The following RFFL variants were observed in gnomAD, a reference collection of about 807,000 sequenced individuals.
The protein encoded by RFFL is ring finger and FYVE like domain containing E3 ubiquitin protein ligase.
RFFL carries 16 observed loss-of-function variants against 40.4 expected under a neutral mutation model. The observed-to-expected ratio is 0.40, with a 90% confidence interval of 0.27 to 0.60. The LOEUF (loss-of-function observed/expected upper bound fraction) is 0.60. Among genes scored for constraint, RFFL ranks in the 20% least tolerant of loss-of-function variants. The probability of loss-of-function intolerance (pLI) is 0.47; values close to 1 mark genes in which losing one functional copy is unlikely to be tolerated. For missense variants in RFFL, 367 were observed against 451.7 expected (o/e 0.81, Z 1.70); for synonymous variants, 154 against 167.9 (o/e 0.92, Z 0.64).
At chr17:35,067,785 G>A (rs779986754), upstream of RFFL, among the ~76,000 whole-genome samples, 9 of 152,084 alleles carry the variant, frequency 5.9e-5, no homozygotes, top group Non-Finnish European at 1.0e-4. Context: ...GATGGGCCTT[G>A]GATCATGTTT....
intron 5 of RFFL, 38 bp downstream of exon 5, chr17:35,016,332 C>A (rs772472412): frequency 6.3e-7 from 1 of 1,584,920 alleles, no homozygotes; most frequent in Non-Finnish European, 8.7e-7. Flanking sequence ...GCAAACACTC[C>A]TGAGCTCTGT....
At chr17:35,061,583 G>A (rs185847694) in intron 1 of RFFL, among the ~76,000 whole-genome samples, 156 of 151,968 alleles carry the variant, frequency 1.0e-3, no homozygotes, top group African/African-American at 3.5e-3. Flanking sequence ...TCAGCCTGCT[G>A]GGTAGCTGGT....
At chr17:35,084,699 G>A (rs1393972197) in intron 1 of RFFL, among the ~76,000 whole-genome samples, 2 of 151,306 alleles carry the variant, frequency 1.3e-5, no homozygotes, top group Admixed American at 1.3e-4. Context: ...AGATCAGCCT[G>A]GCCAATGTAG....
intron 1 of RFFL, among the ~76,000 whole-genome samples, chr17:35,045,687 A>G (rs928823510): frequency 6.6e-6 from 1 of 152,186 alleles, no homozygotes; most frequent in Non-Finnish European, 1.5e-5. Flanking sequence ...GATAACAGCA[A>G]TAGAGCGCTT....
intron 1 of RFFL, among the ~76,000 whole-genome samples, chr17:35,051,237 T>C (rs1044801815): frequency 2.0e-5 from 3 of 152,208 alleles, no homozygotes; most frequent in African/African-American, 4.8e-5. Context: ...AAGGACTAGT[T>C]ATGTTAGCTT....
chr17:35,043,429 T>A (rs777788504), intron 1 of RFFL, among the ~76,000 whole-genome samples: 1 of 152,210 alleles, frequency 6.6e-6, no homozygotes. Context: ...ATAGCCGTCA[T>A]TATAATAAGG....
chr17:35,062,113 G>A (rs2091294632), intron 1 of RFFL, among the ~76,000 whole-genome samples: 1 of 151,598 alleles, frequency 6.6e-6, no homozygotes, highest in Non-Finnish European at 1.5e-5. Flanking sequence ...AGCATAAAAA[G>A]AATGAACAAG....
chr17:35,051,182 G>T (rs1471400978), intron 1 of RFFL, among the ~76,000 whole-genome samples: 2 of 152,144 alleles, frequency 1.3e-5, no homozygotes, highest in Non-Finnish European at 2.9e-5. Context: ...AGAAAGAATG[G>T]TCCCTACAAG....
chr17:35,069,362 G>C (rs533189000), intron 1 of RFFL: 21 of 456,464 alleles, frequency 4.6e-5, no homozygotes, highest in African/African-American at 8.0e-5. Context: ...GTGATTTCTA[G>C]CCAAGTAGAT....
rs1231774461 is a variant in RFFL, at chr17:35,016,350, C to T, written c.886+20G>A. 1 of 1,605,100 alleles carries T rather than the reference C, an allele frequency of 6.2e-7. No individual in the cohort carries two copies. Reference sequence around the variant, plus strand: ...AACACTCCTGAGCTCTGTAAAGCTACCATGCAGATAGCCCCTCACCCAGGT... The same window carrying T: ...AACACTCCTGAGCTCTGTAAAGCTATCATGCAGATAGCCCCTCACCCAGGT... On this transcript the variant is annotated intron_variant, in intron 5 of 6. Coordinates refer to ENST00000394597, the MANE Select transcript of RFFL (RefSeq NM_001017368.2).
intron 3 of RFFL, among the ~76,000 whole-genome samples, chr17:35,019,786 C>A (rs145169120): frequency 6.6e-6 from 1 of 151,728 alleles, no homozygotes; most frequent in Non-Finnish European, 1.5e-5. Flanking sequence ...GAGTTTAAAT[C>A]TGTCTAGCAG....
rs988557663 is a variant in RFFL, at chr17:35,046,251, C to T, written c.-9+17325G>A. ...AGGAGAGCCTGGAAGAGGAACAAGA[C>T]GGTCACTTCCATCTCTTCCTAAAAA... is the stretch of plus-strand genomic sequence containing the variant. On this transcript the variant is annotated intron_variant, in intron 1 of 6. Coordinates refer to ENST00000394597, the MANE Select transcript of RFFL (RefSeq NM_001017368.2). 4.6e-5 allele frequency among the ~76,000 whole-genome samples: 7 copies of T among 152,150 alleles called. No individual in the cohort carries two copies. The South Asian group carries it at 6.2e-4, about 13-fold the overall frequency.
At chr17:35,045,937 T>C (rs1597828949) in intron 1 of RFFL, among the ~76,000 whole-genome samples, 1 of 149,128 alleles carries the variant, frequency 6.7e-6, no homozygotes, top group Non-Finnish European at 1.5e-5. Flanking sequence ...GAGGCAGGAG[T>C]ATCGCTTGAA....
At position 35,010,013 on chromosome 17, in the gene RFFL, T is replaced by TGG. The variant is rs2090926016; in HGVS notation, c.*1953_*1954dup. ...ATTCCCCCAACTCCTGCAAAGGCTG[T>TGG]GGTTCAGAATCAAATCATCCAGGAC... On this transcript the variant is annotated 3_prime_UTR_variant, in exon 7 of 7. Transcript: ENST00000394597. 1 of 152,668 alleles carries TGG rather than the reference T, an allele frequency of 6.6e-6. No individual in the cohort carries two copies. The highest frequency in any genetic ancestry group is 1.9e-4 in the East Asian group (1 of 5,198). The allele number at this position is 152,668 out of a possible 1,614,324, so 9.5% of individuals were successfully genotyped here. A position where few individuals can be genotyped will look rare whatever the true frequency, so the allele number is the denominator to read the frequency against.
At chr17:35,088,508 G>C (rs1383242930) in intron 1 of RFFL, among the ~76,000 whole-genome samples, 2 of 152,176 alleles carry the variant, frequency 1.3e-5, no homozygotes. Flanking sequence ...GCTGAAGAGA[G>C]GCCCCATTTC....
intron 1 of RFFL, among the ~76,000 whole-genome samples, chr17:35,063,288 T>C (rs964521406): frequency 2.0e-5 from 3 of 151,548 alleles, no homozygotes; most frequent in African/African-American, 7.3e-5. Flanking sequence ...AAACCCTGTC[T>C]CTACTAAAAA....
At chr17:35,055,639 C>A (rs1298253709) in intron 1 of RFFL, among the ~76,000 whole-genome samples, 2 of 150,500 alleles carry the variant, frequency 1.3e-5, no homozygotes, top group African/African-American at 4.9e-5. Flanking sequence ...CCATTGCACT[C>A]CAGCCTGGGC....
At chr17:35,033,340 C>T (rs867585287) in intron 1 of RFFL, among the ~76,000 whole-genome samples, 1 of 151,576 alleles carries the variant, frequency 6.6e-6, no homozygotes, top group Non-Finnish European at 1.5e-5. Flanking sequence ...ACCAGCCTGG[C>T]CAGCATGGTG....
intron 1 of RFFL, chr17:35,073,845 GC>G (rs1221378332): frequency 6.6e-6 from 1 of 151,844 alleles, no homozygotes; most frequent in Non-Finnish European, 1.5e-5. Context: ...CTAACCTAAT[GC>G]TTTATTTATT....
Sources: gnomAD v4.1 joint callset for allele counts (sites outside exome capture counted in the v4.1 genomes callset) on GRCh38, gnomAD v4.1.1 for gene constraint, MANE v1.5 for transcripts, NCBI Gene and HGNC (gene_info 2026-07-23, HGNC 2026-07-21) for gene names.